Variants in PDE4D observed in about 807,000 individuals in gnomAD.
PDE4D encodes phosphodiesterase 4D.
A neutral mutation model predicts 87.4 loss-of-function variants in PDE4D; 24 were observed. That is an observed-to-expected ratio of 0.27 (90% CI 0.20 to 0.39). The LOEUF (loss-of-function observed/expected upper bound fraction) is 0.39. PDE4D is among the 10% of genes least tolerant of loss of function. The pLI is 1.00. For missense variants in PDE4D, 714 were observed against 1,041.0 expected (o/e 0.69, Z 4.32); for synonymous variants, 384 against 383.2 (o/e 1.00, Z -0.02).
intron 5 of PDE4D, among the ~76,000 whole-genome samples, chr5:59,122,289 G>C (rs1774677601): frequency 6.6e-6 from 1 of 151,970 alleles, no homozygotes; most frequent in African/African-American, 2.4e-5. Flanking sequence ...TTTATGTTAA[G>C]TGAAATAAAC....
At chr5:59,872,400 A>G (rs1747963107) in intron 1 of PDE4D, among the ~76,000 whole-genome samples, 1 of 152,178 alleles carries the variant, frequency 6.6e-6, no homozygotes, top group Admixed American at 6.5e-5. Context: ...GTTTTTTGCA[A>G]TAAAAAGCTA....
At chr5:59,620,150 G>A (rs1830178443) in intron 1 of PDE4D, among the ~76,000 whole-genome samples, 1 of 152,044 alleles carries the variant, frequency 6.6e-6, no homozygotes, top group South Asian at 2.1e-4. Flanking sequence ...AGTTTTTATT[G>A]GGAAAAAAGG....
At chr5:59,283,158 G>A (rs1362270416) in intron 1 of PDE4D, among the ~76,000 whole-genome samples, 1 of 152,036 alleles carries the variant, frequency 6.6e-6, no homozygotes, top group Non-Finnish European at 1.5e-5. Flanking sequence ...TCTAGAAAAT[G>A]GTAAGGAATC....
chr5:60,451,330 G>A (rs925130650), intron 1 of PDE4D, among the ~76,000 whole-genome samples: 6 of 152,088 alleles, frequency 3.9e-5, no homozygotes, highest in Non-Finnish European at 7.4e-5. Context: ...GATCAAGTCA[G>A]GAAAATTGGG....
chr5:60,338,873 G>A (rs888662875), intron 1 of PDE4D, among the ~76,000 whole-genome samples: 1 of 152,050 alleles, frequency 6.6e-6, no homozygotes, highest in African/African-American at 2.4e-5. Context: ...AGTATCCAGG[G>A]GCTCTATACG....
rs190127738 is a variant in PDE4D, at chr5:59,546,922, T to C, written c.456-330954A>G. Among the ~76,000 whole-genome samples the C allele has an allele frequency of 2.6e-3, 397 of 152,264 alleles. 1 individual carries two copies. The highest frequency in any genetic ancestry group is 6.8e-3 in the Middle Eastern group (2 of 294). ...AGTATACTCACTAACTTTACTCAGT[T>C]ACTAAAAGGCTAGTATCAAAGCTAA... is the stretch of plus-strand genomic sequence containing the variant. On this transcript the variant is annotated intron_variant, in intron 1 of 14. Coordinates refer to ENST00000340635, the MANE Select transcript of PDE4D (RefSeq NM_001104631.2).
chr5:60,078,648 T>C (rs1773587119), intron 2 of PDE4D, among the ~76,000 whole-genome samples: 1 of 152,198 alleles, frequency 6.6e-6, no homozygotes, highest in Admixed American at 6.5e-5. Context: ...TTCAGTTTTC[T>C]GTTCCAGTGT....
At position 60,353,083 on chromosome 5, in the gene PDE4D, T is replaced by C. The variant is rs371190170; in HGVS notation, c.-90+134859A>G. Among the ~76,000 whole-genome samples the C allele has an allele frequency of 1.4e-4, 21 of 152,302 alleles. No individual in the cohort carries two copies. In the East Asian group the frequency reaches 2.5e-3, roughly 18 times the overall value. ...TGGGGAGGGCTGAATACATCTAAGT[T>C]GAGCCTTCAGAAATAGTTCCCAAGC... On this transcript the variant is annotated intron_variant, in intron 1 of 16. Coordinates refer to the PDE4D transcript ENST00000502484.
intron 5 of PDE4D, among the ~76,000 whole-genome samples, chr5:59,162,826 G>C (rs1180755965): frequency 2.6e-5 from 3 of 117,584 alleles, no homozygotes; most frequent in Non-Finnish European, 5.2e-5. Context: ...CCGCAATCTA[G>C]CCTGAGCAAA....
chr5:59,586,518 A>AT (rs1244475677), intron 1 of PDE4D: 61 of 1,448,246 alleles, frequency 4.2e-5, no homozygotes, highest in Non-Finnish European at 5.3e-5. Context: ...AAAAAAAAAA[A>AT]AAATCTCCCC....
chr5:59,131,544 G>A (rs1776261937), intron 5 of PDE4D, among the ~76,000 whole-genome samples: 2 of 150,788 alleles, frequency 1.3e-5, no homozygotes, highest in South Asian at 4.2e-4. Context: ...TATTCCAAAA[G>A]GGAGTTTTAC....
chr5:59,144,377 T>C (rs981663122), intron 5 of PDE4D, among the ~76,000 whole-genome samples: 1 of 152,186 alleles, frequency 6.6e-6, no homozygotes, highest in African/African-American at 2.4e-5. Context: ...TATTATTTCA[T>C]ACAAAGTGAT....
At chr5:59,908,102 C>T (rs982603650) in intron 3 of PDE4D, among the ~76,000 whole-genome samples, 1 of 151,988 alleles carries the variant, frequency 6.6e-6, no homozygotes, top group Admixed American at 6.6e-5. Flanking sequence ...ATTTCTTTGC[C>T]TATTTTCTTC....
chr5:60,002,990 A>AT (rs879372185), intron 2 of PDE4D, among the ~76,000 whole-genome samples: 1 of 152,176 alleles, frequency 6.6e-6, no homozygotes, highest in Non-Finnish European at 1.5e-5. Flanking sequence ...CATTTTCTAT[A>AT]TTTAAAAAAA....
At chr5:60,206,008 A>G (rs1338813193) in intron 1 of PDE4D, among the ~76,000 whole-genome samples, 1 of 152,236 alleles carries the variant, frequency 6.6e-6, no homozygotes, top group Non-Finnish European at 1.5e-5. Flanking sequence ...TAAGTGAGGT[A>G]TCTCCAGACA....
intron 5 of PDE4D, among the ~76,000 whole-genome samples, chr5:59,172,540 C>CA (rs1487644830): frequency 6.7e-6 from 1 of 149,994 alleles, no homozygotes; most frequent in Non-Finnish European, 1.5e-5. Context: ...ACAAAAAATA[C>CA]AAAAAATAAA....
intron 1 of PDE4D, among the ~76,000 whole-genome samples, chr5:59,667,406 G>A (rs1403882332): frequency 6.6e-6 from 1 of 151,940 alleles, no homozygotes; most frequent in Admixed American, 6.6e-5. Flanking sequence ...TGACCTCCTG[G>A]GCTCAATTGA....
At chr5:60,034,079 A>C (rs1767531425) in intron 2 of PDE4D, among the ~76,000 whole-genome samples, 1 of 152,170 alleles carries the variant, frequency 6.6e-6, no homozygotes, top group Non-Finnish European at 1.5e-5. Flanking sequence ...TGCTGAGTAG[A>C]GAAGTTGTGA....
At chr5:59,086,667 A>G (rs1042037819) in intron 5 of PDE4D, among the ~76,000 whole-genome samples, 1 of 152,100 alleles carries the variant, frequency 6.6e-6, no homozygotes, top group African/African-American at 2.4e-5. Context: ...CATATTTCCA[A>G]TACTGGCATT....
Sources: allele counts gnomAD v4.1 joint callset (sites outside exome capture counted in the v4.1 genomes callset), GRCh38; gene constraint gnomAD v4.1.1; transcripts MANE v1.5; gene names NCBI Gene and HGNC (gene_info 2026-07-23, HGNC 2026-07-21).